NECTIN3: variants seen among roughly 807,000 people sequenced by gnomAD.
The protein encoded by NECTIN3 is nectin cell adhesion molecule 3.
In NECTIN3, 8 loss-of-function variants were observed where a neutral mutation model predicts 49.4. That is an observed-to-expected ratio of 0.16 (90% CI 0.10 to 0.29). NECTIN3 has a LOEUF of 0.29. Among genes scored for constraint, NECTIN3 ranks in the 10% least tolerant of loss-of-function variants. The pLI, the probability that NECTIN3 is intolerant of heterozygous loss-of-function variation, is 1.00. For synonymous variants in NECTIN3, 277 were observed against 241.1 expected, an observed-to-expected ratio of 1.15 and a Z score of -1.38; for missense variants, 581 against 654.6, an observed-to-expected ratio of 0.89 and a Z score of 1.23.
Position 111,134,165 on chromosome 3 carries a change from G to A in NECTIN3, c.1600G>A (p.Val534Ile). ...TTATGATGAAAACGAAGATGACTTA[G>A]TTTCACATGTAGATGGTTCCGTAAT... ...EHYDENEDDL[V>I]SHVDGSVISR... is the part of the protein sequence containing the mutation. Residue 534 changes from valine (V) to isoleucine (I), a missense_variant, in exon 6 of 6, where the codon GTT (valine) becomes ATT (isoleucine). By Grantham distance (29) the Val-to-Ile change is conservative. Transcript: ENST00000485303. The A allele has an allele frequency of 1.9e-6, 3 of 1,611,650 alleles. No individual in the cohort carries two copies. The highest frequency in any genetic ancestry group is 2.5e-6 in the Non-Finnish European group (3 of 1,178,998).
intron 5 of NECTIN3, among the ~76,000 whole-genome samples, chr3:111,130,476 C>T (rs2034347202): frequency 6.6e-6 from 1 of 151,956 alleles, no homozygotes; most frequent in African/African-American, 2.4e-5. Context: ...AATAAATGAC[C>T]AGTTAATCTT....
At chr3:111,147,845 T>C (rs182605741) in intron 7 of NECTIN3, among the ~76,000 whole-genome samples, 16 of 152,318 alleles carry the variant, frequency 1.1e-4, no homozygotes, top group Non-Finnish European at 1.2e-4. Context: ...AAATAAAAAG[T>C]AGAAAATGAA....
intron 1 of NECTIN3, among the ~76,000 whole-genome samples, chr3:111,099,450 A>C (rs1477847): frequency 6.6e-6 from 1 of 152,014 alleles, no homozygotes; most frequent in African/African-American, 2.4e-5. Flanking sequence ...ATTGCCTTGT[A>C]TGTCTTATTT....
chr3:111,110,378 GGTAA>G (rs1258950949), intron 1 of NECTIN3, among the ~76,000 whole-genome samples: 3 of 151,842 alleles, frequency 2.0e-5, no homozygotes, highest in Non-Finnish European at 4.4e-5. Context: ...GATAGTAAAT[GGTAA>G]GTTTTATTAA....
In NECTIN3 at chr3:111,137,011, G is replaced by T; in HGVS notation, c.*2796G>T. 2 of 975,794 alleles carry T rather than the reference G, an allele frequency of 2.0e-6. No homozygotes were observed. The highest frequency in any genetic ancestry group is 2.4e-6 in the Non-Finnish European group (2 of 821,422). The allele number at this position is 975,794 out of a possible 1,614,324, so 60.4% of individuals were successfully genotyped here. The stretch of plus-strand genomic sequence containing the variant: ...ACTATTAAGGTTTTCAGTAGTAAGT[G>T]TTGCTTCTAATAGCCATATACAGGA... On this transcript the variant is annotated 3_prime_UTR_variant, in exon 6 of 6. Coordinates refer to ENST00000485303, the MANE Select transcript of NECTIN3 (RefSeq NM_015480.3).
At chr3:111,085,721 G>C (rs1378885637) in intron 1 of NECTIN3, among the ~76,000 whole-genome samples, 1 of 149,188 alleles carries the variant, frequency 6.7e-6, no homozygotes, top group African/African-American at 2.5e-5. Context: ...TTTTACCACT[G>C]TACGGTATTT....
chr3:111,140,635 A>G (rs1456688643), downstream of NECTIN3, among the ~76,000 whole-genome samples: 5 of 151,896 alleles, frequency 3.3e-5, no homozygotes, highest in African/African-American at 7.2e-5. Context: ...TGGGACACTC[A>G]TACAATTCTT....
intron 4 of NECTIN3, among the ~76,000 whole-genome samples, chr3:111,125,607 C>G (rs1024444130): frequency 1.3e-5 from 2 of 152,164 alleles, no homozygotes; most frequent in African/African-American, 4.8e-5. Flanking sequence ...TTTATTGTCA[C>G]AGATGCCCAC....
At chr3:111,083,738 G>A (rs2107371079) in intron 1 of NECTIN3, among the ~76,000 whole-genome samples, 1 of 152,316 alleles carries the variant, frequency 6.6e-6, no homozygotes, top group South Asian at 2.1e-4. Context: ...TTCAGGCATG[G>A]AAAACAAGAA....
chr3:111,081,223 G>A (rs1180778683), intron 1 of NECTIN3, among the ~76,000 whole-genome samples: 3 of 152,352 alleles, frequency 2.0e-5, no homozygotes, highest in Non-Finnish European at 4.4e-5. Flanking sequence ...TGAGGCTGTA[G>A]TGAGCTAAGA....
At chr3:111,097,327 T>C (rs2032646910) in intron 1 of NECTIN3, among the ~76,000 whole-genome samples, 1 of 152,212 alleles carries the variant, frequency 6.6e-6, no homozygotes, top group Non-Finnish European at 1.5e-5. Context: ...AGTAACTAAC[T>C]TGCTTTTGAC....
rs2031041356 is a variant in NECTIN3 at position 111,074,562 on chromosome 3, A to G, written c.160+2385A>G. 1.3e-5 allele frequency among the ~76,000 whole-genome samples: 2 copies of G among 152,140 alleles called. 1 individual carries two copies. The highest frequency in any genetic ancestry group is 1.3e-4 in the Admixed American group (2 of 15,254). On this transcript the variant is annotated intron_variant, in intron 1 of 5. Coordinates refer to ENST00000485303, the MANE Select transcript of NECTIN3 (RefSeq NM_015480.3). ...TTTAACTGTTAAAAATATCCATCAA[A>G]ACTGGTGGACCTGATATTCTGAAGG...
At chr3:111,108,294 C>CT (rs1272928499) in intron 1 of NECTIN3, among the ~76,000 whole-genome samples, 3 of 150,142 alleles carry the variant, frequency 2.0e-5, no homozygotes, top group African/African-American at 7.3e-5. Context: ...GTCTCTCAGC[C>CT]TTTTTTATTG....
At chr3:111,095,283 T>C (rs2032520347) in intron 1 of NECTIN3, among the ~76,000 whole-genome samples, 1 of 152,008 alleles carries the variant, frequency 6.6e-6, no homozygotes, top group South Asian at 2.1e-4. Flanking sequence ...CTAAATTTGC[T>C]TTTCAGAAAA....
intron 1 of NECTIN3, among the ~76,000 whole-genome samples, chr3:111,081,006 G>A (rs1310230303): frequency 2.6e-5 from 4 of 152,140 alleles, no homozygotes; most frequent in East Asian, 1.9e-4. Context: ...AAGCAGGCTG[G>A]GTGCAGTGGC....
chr3:111,155,201 T>C (rs866634998), intron 7 of NECTIN3, among the ~76,000 whole-genome samples: 1 of 152,220 alleles, frequency 6.6e-6, no homozygotes, highest in South Asian at 2.1e-4. Flanking sequence ...CTCCCAAAAG[T>C]GCTGGGATTA....
At chr3:111,119,781 T>C (rs2033866172) in intron 3 of NECTIN3, among the ~76,000 whole-genome samples, 1 of 152,222 alleles carries the variant, frequency 6.6e-6, no homozygotes, top group Non-Finnish European at 1.5e-5. Flanking sequence ...ATAATGAAAA[T>C]TAGGAACATT....
rs938360079 is a variant in NECTIN3 at position 111,193,059 on chromosome 3, T to C, written c.63+646T>C. The C allele has an allele frequency of 9.4e-5, 68 of 721,572 alleles. No homozygotes were observed. In the African/African-American group the frequency reaches 1.1e-3, roughly 11 times the overall value. 44.7% of individuals were successfully genotyped at this position (721,572 alleles called of 1,614,324 possible). A position where few individuals can be genotyped will look rare whatever the true frequency, so the allele number is the denominator to read the frequency against. On this transcript the variant is annotated intron_variant, in intron 1 of 1. Transcript: ENST00000485506. ...GACTGGAAAATATAAGTTGTTGAAC[T>C]TTACCTTGCCATTCAATAGTTTTTG...
intron 1 of NECTIN3, among the ~76,000 whole-genome samples, chr3:111,083,382 A>T (rs868839150): frequency 6.6e-6 from 1 of 152,098 alleles, no homozygotes; most frequent in Non-Finnish European, 1.5e-5. Context: ...GGCCTTTGGG[A>T]AGTAATTAGG....
Sources: gnomAD v4.1 joint callset for allele counts (sites outside exome capture counted in the v4.1 genomes callset) on GRCh38, gnomAD v4.1.1 for gene constraint, MANE v1.5 for transcripts, NCBI Gene and HGNC (gene_info 2026-07-23, HGNC 2026-07-21) for gene names.